Variants in GRID1 observed in about 807,000 individuals in gnomAD.
GRID1 encodes the protein glutamate receptor ionotropic, delta-1.
In GRID1, 28 loss-of-function variants were observed where a neutral mutation model predicts 98.0. The observed-to-expected ratio is 0.29, with a 90% confidence interval of 0.21 to 0.39. The LOEUF (loss-of-function observed/expected upper bound fraction) is 0.39. GRID1 is among the 10% of genes least tolerant of loss of function. GRID1 has a pLI of 1.00. For missense variants in GRID1, 1,111 were observed against 1,340.5 expected (o/e 0.83, Z 2.67); for synonymous variants, 553 against 538.5 (o/e 1.03, Z -0.37).
At chr10:85,921,082 A>T (rs1013939190) in intron 4 of GRID1, among the ~76,000 whole-genome samples, 12 of 152,230 alleles carry the variant, frequency 7.9e-5, no homozygotes, top group Non-Finnish European at 1.2e-4. Context: ...AAGAAGTTGC[A>T]AAGCATCCAG....
intron 12 of GRID1, among the ~76,000 whole-genome samples, chr10:85,714,172 CAT>C (rs138338768): frequency 0.11 from 16,871 of 151,988 alleles, 1,103 homozygotes; most frequent in African/African-American, 0.19. Flanking sequence ...CTAAATACCA[CAT>C]GTTTTTACTT....
chr10:85,957,089 CTCAT>C (rs1323707289), intron 4 of GRID1, among the ~76,000 whole-genome samples: 4 of 152,162 alleles, frequency 2.6e-5, no homozygotes, highest in Non-Finnish European at 5.9e-5. Flanking sequence ...TGAGAACTCA[CTCAT>C]TATCACGAGA....
chr10:85,876,094 C>T (rs550941707), intron 5 of GRID1, among the ~76,000 whole-genome samples: 17 of 152,380 alleles, frequency 1.1e-4, no homozygotes, highest in African/African-American at 4.1e-4. Context: ...GCACTGACTT[C>T]TAGCTTCCAC....
intron 5 of GRID1, among the ~76,000 whole-genome samples, chr10:85,877,495 C>T (rs1244946117): frequency 6.6e-6 from 1 of 152,172 alleles, no homozygotes; most frequent in Non-Finnish European, 1.5e-5. Context: ...CCGCTGCTGA[C>T]ACCCAGGCAA....
chr10:85,770,815 T>G (rs981639981), intron 8 of GRID1, among the ~76,000 whole-genome samples: 1 of 152,100 alleles, frequency 6.6e-6, no homozygotes, highest in African/African-American at 2.4e-5. Context: ...CCAAGAAATA[T>G]GGGACTATGT....
intron 5 of GRID1, among the ~76,000 whole-genome samples, chr10:85,909,364 C>A (rs567522572): frequency 9.2e-5 from 14 of 152,256 alleles, no homozygotes; most frequent in African/African-American, 3.4e-4. Flanking sequence ...TAACATAAAT[C>A]TACCATAGGG....
At chr10:85,897,795 G>A (rs376735210) in intron 5 of GRID1, among the ~76,000 whole-genome samples, 19 of 152,062 alleles carry the variant, frequency 1.2e-4, no homozygotes, top group African/African-American at 1.7e-4. Context: ...GTCAGCTATC[G>A]TAACCATACT....
chr10:85,795,979 A>G (rs1176796189), intron 8 of GRID1, among the ~76,000 whole-genome samples: 2 of 152,168 alleles, frequency 1.3e-5, no homozygotes, highest in Non-Finnish European at 2.9e-5. Context: ...GGAGCTGGGG[A>G]GTTAAGGGAG....
At chr10:86,242,005 A>C (rs1682320995) in intron 2 of GRID1, among the ~76,000 whole-genome samples, 1 of 152,256 alleles carries the variant, frequency 6.6e-6, no homozygotes, top group Non-Finnish European at 1.5e-5. Context: ...TGGAAGAAGC[A>C]ACAGAGACGT....
chr10:85,748,103 T>C (rs951518544), intron 8 of GRID1, among the ~76,000 whole-genome samples: 3 of 152,064 alleles, frequency 2.0e-5, no homozygotes, highest in South Asian at 2.1e-4. Flanking sequence ...ACTGTGTACA[T>C]CTCAAGGTCG....
chr10:86,026,494 T>C (rs920664146), intron 4 of GRID1, among the ~76,000 whole-genome samples: 19 of 152,216 alleles, frequency 1.2e-4, no homozygotes, highest in African/African-American at 4.3e-4. Flanking sequence ...TCAGAGAAGC[T>C]AGGACTCAGG....
intron 4 of GRID1, among the ~76,000 whole-genome samples, chr10:85,988,637 G>A (rs533522309): frequency 8.7e-4 from 133 of 152,262 alleles, no homozygotes; most frequent in African/African-American, 3.1e-3. Context: ...TAAGTTCCCG[G>A]GCCTCGGCTG....
intron 2 of GRID1, among the ~76,000 whole-genome samples, chr10:86,296,729 A>G (rs928947385): frequency 4.6e-5 from 7 of 152,088 alleles, no homozygotes; most frequent in African/African-American, 7.2e-5. Flanking sequence ...ACAGAGGGAG[A>G]CTCCATCTCA....
intron 4 of GRID1, among the ~76,000 whole-genome samples, chr10:85,917,538 C>G (rs1328614957): frequency 6.6e-6 from 1 of 152,200 alleles, no homozygotes; most frequent in East Asian, 1.9e-4. Context: ...CCAGTTAAGA[C>G]TCTAGTTTTT....
chr10:85,766,963 C>T (rs1564583757), intron 8 of GRID1, among the ~76,000 whole-genome samples: 2 of 152,156 alleles, frequency 1.3e-5, no homozygotes, highest in African/African-American at 2.4e-5. Context: ...CTGTGTGTAA[C>T]TAGAGGGGAA....
At chr10:86,159,934 G>A (rs1340349351) in intron 3 of GRID1, among the ~76,000 whole-genome samples, 4 of 152,012 alleles carry the variant, frequency 2.6e-5, no homozygotes, top group East Asian at 1.9e-4. Flanking sequence ...CTATCACCAC[G>A]ACCATCATTA....
At chr10:85,741,313 T>C (rs1169639010) in intron 8 of GRID1, among the ~76,000 whole-genome samples, 1 of 152,196 alleles carries the variant, frequency 6.6e-6, no homozygotes, top group Non-Finnish European at 1.5e-5. Context: ...CATGATTTTG[T>C]GTTGGAAACT....
At chr10:86,031,107 CAG>C (rs1241917675) in intron 4 of GRID1, among the ~76,000 whole-genome samples, 5 of 152,120 alleles carry the variant, frequency 3.3e-5, no homozygotes, top group Non-Finnish European at 5.9e-5. Context: ...TTCGTTTCCA[CAG>C]AGAGAGCTGT....
intron 12 of GRID1, among the ~76,000 whole-genome samples, chr10:85,720,633 CAAAAAA>C (rs1178857868): frequency 3.8e-5 from 3 of 79,092 alleles, no homozygotes; most frequent in African/African-American, 1.1e-4. Flanking sequence ...AACAAACAGA[CAAAAAA>C]AAAAAAGAAA....
Sources: gnomAD v4.1 joint callset for allele counts (sites outside exome capture counted in the v4.1 genomes callset) on GRCh38, gnomAD v4.1.1 for gene constraint, MANE v1.5 for transcripts, NCBI Gene and HGNC (gene_info 2026-07-23, HGNC 2026-07-21) for gene names.